RNH1: variants seen among roughly 807,000 people sequenced by gnomAD.
RNH1 encodes ribonuclease inhibitor.
A neutral mutation model predicts 46.1 loss-of-function variants in RNH1; 38 were observed. The ratio of observed to expected loss-of-function variants is 0.82; its 90% CI spans 0.64 to 1.08. The LOEUF is 1.08. Among genes scored for constraint, RNH1 ranks in the 50% least tolerant of loss-of-function variants. RNH1 has a pLI of 0.00. For missense variants in RNH1, 577 were observed against 590.7 expected (o/e 0.98, Z 0.24); for synonymous variants, 319 against 279.1 (o/e 1.14, Z -1.43).
chr11:498,373 G>T (rs1039469169), intron 8 of RNH1, 84 bp downstream of exon 8: 34 of 1,529,964 alleles, frequency 2.2e-5, no homozygotes, highest in Non-Finnish European at 2.9e-5. Flanking sequence ...AGCTTCCCTG[G>T]AGTCGCTCAC....
chr11:503,831 T>A (rs1849978519), intron 2 of RNH1, among the ~76,000 whole-genome samples: 1 of 152,060 alleles, frequency 6.6e-6, no homozygotes, highest in African/African-American at 2.4e-5. Context: ...TCCCTACCCC[T>A]CAGGCTTGGC....
At position 501,846 on chromosome 11, in the gene RNH1, C is replaced by T. The variant is rs1361344301; in HGVS notation, c.101+216G>A. The T allele has an allele frequency of 5.2e-6, 3 of 578,236 alleles. No homozygotes were observed. The highest frequency in any genetic ancestry group is 2.1e-5 in the South Asian group (1 of 48,358). 35.8% of individuals were successfully genotyped at this position (578,236 alleles called of 1,614,324 possible). Reference sequence around the variant, plus strand: ...GTGGCCGCCCACCTCGGCCCGCCCACCTCAGCCCATGCTGCATGAGCCTGG... The same window carrying T: ...GTGGCCGCCCACCTCGGCCCGCCCATCTCAGCCCATGCTGCATGAGCCTGG... On this transcript the variant is annotated intron_variant, in intron 3 of 10. Coordinates refer to ENST00000354420, the MANE Select transcript of RNH1 (RefSeq NM_203387.3). The surrounding 1 kb of genome is among the most constrained non-coding windows in gnomAD (Gnocchi z 4.1).
In RNH1 at chr11:495,107, A is replaced by C. The variant is rs948064031; in HGVS notation, c.1128-54T>G. 12 of 1,547,824 alleles carry C rather than the reference A, an allele frequency of 7.8e-6. No individual in the cohort carries two copies. In the African/African-American group the frequency reaches 1.1e-4, roughly 14 times the overall value. ...GCCGGGCGTGCCTGGCACCGCACTG[A>C]CCGGCAGAGCAGGCCTGGGCCTGGG... On this transcript the variant is annotated intron_variant, in intron 9 of 10. Coordinates refer to ENST00000354420, the MANE Select transcript of RNH1 (RefSeq NM_203387.3).
At chr11:500,091 C>T (rs1849604408) in intron 4 of RNH1, 92 bp from the exon 5 acceptor site, 2 of 1,389,720 alleles carry the variant, frequency 1.4e-6, no homozygotes, top group Non-Finnish European at 9.5e-7. Context: ...CAGCACTCTT[C>T]AGGCGGCAGG....
chr11:496,100 G>GA (rs146139221), intron 9 of RNH1, among the ~76,000 whole-genome samples: 6,025 of 152,138 alleles, frequency 0.04, 174 homozygotes, highest in South Asian at 0.089. Context: ...AAAGGAGAGA[G>GA]AAAAAAATCA....
At chr11:500,730 G>A (rs1380369302) in intron 3 of RNH1, 76 bp from the exon 4 acceptor site, 2 of 1,509,726 alleles carry the variant, frequency 1.3e-6, no homozygotes, top group African/African-American at 1.4e-5. Context: ...CCCACGTGCA[G>A]GTTACAACCT....
intron 9 of RNH1, among the ~76,000 whole-genome samples, 176 bp downstream of exon 9, chr11:497,795 A>G (rs1849304187): frequency 6.6e-6 from 1 of 150,516 alleles, no homozygotes; most frequent in Non-Finnish European, 1.5e-5. Flanking sequence ...ATGCTCACGG[A>G]CACCCATGCT....
Position 498,569 on chromosome 11 carries a change from C to T in RNH1, c.844G>A (p.Ala282Thr), listed in dbSNP as rs773034497. 18 of 1,613,004 alleles carry T rather than the reference C, an allele frequency of 1.1e-5. No homozygotes were observed. The East Asian group carries it at 3.8e-4, about 34-fold the overall frequency. Residue 282 changes from alanine to threonine, a missense_variant, in exon 8 of 11, where the codon GCC becomes ACC. Transcript: ENST00000354420. Reference protein sequence around the residue: ...GCGDLCRVLRAKESLKELSLA... With the variant: ...GCGDLCRVLRTKESLKELSLA... ...CTGAGCTCCTTCAGGCTCTCCTTGG[C>T]CCTGAGGACACGGCACAGATCCCCG...
Position 501,860 on chromosome 11 carries a change from G to T in RNH1, c.101+202C>A. On this transcript the variant is annotated intron_variant, in intron 3 of 10. Transcript: ENST00000354420. This position sits in a 1 kb window ranked among gnomAD's most constrained non-coding sequence, Gnocchi z 4.1. The stretch of plus-strand genomic sequence containing the variant: ...CGGCCCGCCCACCTCAGCCCATGCT[G>T]CATGAGCCTGGAATGGGTTTTACAT... The T allele has an allele frequency of 1.7e-6, 1 of 588,716 alleles. No individual in the cohort carries two copies. Among genetic ancestry groups the T allele is most frequent in the Non-Finnish European group, 3.0e-6 (1 of 328,446 alleles). The allele number at this position is 588,716 out of a possible 1,614,324, so 36.5% of individuals were successfully genotyped here. A position where few individuals can be genotyped will look rare whatever the true frequency, so the allele number is the denominator to read the frequency against.
chr11:495,493 A>G (rs1002334804), intron 9 of RNH1, among the ~76,000 whole-genome samples: 2 of 152,222 alleles, frequency 1.3e-5, no homozygotes, highest in African/African-American at 4.8e-5. Flanking sequence ...AGAGAGAGAC[A>G]AGAGAACGGG....
chr11:500,788 GA>G, intron 3 of RNH1, 134 bp from the exon 4 acceptor site: 1 of 987,434 alleles, frequency 1.0e-6, no homozygotes, highest in Non-Finnish European at 1.6e-6. Context: ...AGACATTTCA[GA>G]AATGAAACAA....
At chr11:503,969 C>T (rs1010414531) in intron 2 of RNH1, among the ~76,000 whole-genome samples, 2 of 152,236 alleles carry the variant, frequency 1.3e-5, no homozygotes, top group African/African-American at 4.8e-5. Context: ...GCTCCCTACA[C>T]AGCCAAAGCT....
intron 5 of RNH1, 111 bp downstream of exon 5, chr11:499,718 T>G: frequency 7.4e-7 from 1 of 1,347,710 alleles, no homozygotes; most frequent in Non-Finnish European, 1.0e-6. Flanking sequence ...ACAAGGCCCC[T>G]GTGACCTGAG....
Position 497,956 on chromosome 11 carries a change from C to T in RNH1, c.1127+15G>A, listed in dbSNP as rs536946904. ...ATCTCCCAAATGTGCATACTCGTGT[C>T]CCTCACACACTCACCAGAGCACCCG... is the stretch of plus-strand genomic sequence containing the variant. On this transcript the variant is annotated intron_variant, in intron 9 of 10. Transcript: ENST00000354420. The T allele has an allele frequency of 1.4e-5, 23 of 1,608,946 alleles. 1 individual carries two copies. In the South Asian group the frequency reaches 2.3e-4, roughly 16 times the overall value.
At chr11:498,965 G>A (rs760728769) in intron 6 of RNH1, 32 bp from the exon 7 acceptor site, 96 of 1,611,076 alleles carry the variant, frequency 6.0e-5, no homozygotes, top group Non-Finnish European at 7.5e-5. Flanking sequence ...GAGGCAGCAC[G>A]GGACCCCCCC....
Position 497,906 on chromosome 11 carries a change from C to T in RNH1, c.1127+65G>A, listed in dbSNP as rs998458660. 26 of 1,546,006 alleles carry T rather than the reference C, an allele frequency of 1.7e-5. 1 individual carries two copies. Among genetic ancestry groups the T allele is most frequent in the Admixed American group, 7.3e-5 (4 of 55,148 alleles). ...CACACAGATACTCGTGCACTCTCGC[C>T]CTTGTGTGCACACACGGGCATATGA... On this transcript the variant is annotated intron_variant, in intron 9 of 10. Transcript: ENST00000354420.
Position 498,108 on chromosome 11 carries a change from G to A in RNH1, c.990C>T (p.Cys330=), listed in dbSNP as rs1299308704. The change falls in exon 9 of 11, where the codon TGC becomes TGT. Residue 330 remains cysteine, a synonymous_variant. Transcript: ENST00000354420. ...GGGCCAGCACTGAGCTGAAGTGGGA[G>A]CAGCAGGCGGCTGTGAAGCTGCAGG... ...VKSCSFTAAC[C]SHFSSVLAQN... 1.2e-6 allele frequency: 2 copies of A among 1,613,830 alleles called. No individual in the cohort carries two copies. Among genetic ancestry groups the A allele is most frequent in the Admixed American group, 1.7e-5 (1 of 60,006 alleles).
At chr11:496,771 C>T (rs890030961) in intron 9 of RNH1, among the ~76,000 whole-genome samples, 15 of 152,210 alleles carry the variant, frequency 9.9e-5, no homozygotes, top group Admixed American at 7.9e-4. Context: ...AAATTACCTC[C>T]TGCAAAACCT....
At chr11:495,141 C>CG in intron 9 of RNH1, 88 bp from the exon 10 acceptor site, 1 of 1,355,062 alleles carries the variant, frequency 7.4e-7, no homozygotes, top group South Asian at 1.2e-5. Flanking sequence ...GGGGGCGCGA[C>CG]GGACACCTGT....
Sources: gnomAD v4.1 joint callset for allele counts (sites outside exome capture counted in the v4.1 genomes callset) on GRCh38, gnomAD v4.1.1 for gene constraint, Gnocchi (gnomAD v3.1) non-coding constraint, MANE v1.5 for transcripts, NCBI Gene and HGNC (gene_info 2026-07-23, HGNC 2026-07-21) for gene names.